Variants in TSHR observed in about 807,000 individuals in gnomAD.
TSHR encodes thyrotropin receptor.
A neutral mutation model predicts 64.1 loss-of-function variants in TSHR; 51 were observed. That is an observed-to-expected ratio of 0.80 (90% CI 0.64 to 1.01). The LOEUF (loss-of-function observed/expected upper bound fraction) is 1.01. TSHR is among the 50% of genes least tolerant of loss of function. The pLI is 0.00. For synonymous variants in TSHR, 361 were observed against 361.9 expected (o/e 1.00, Z 0.03); for missense variants, 877 against 942.8 (o/e 0.93, Z 0.91).
intron 1 of TSHR, among the ~76,000 whole-genome samples, chr14:81,033,950 T>C (rs967700468): frequency 6.6e-6 from 1 of 152,220 alleles, no homozygotes; most frequent in African/African-American, 2.4e-5. Context: ...AGGTTGTGCA[T>C]ATGCCTGGCA....
intron 3 of TSHR, 158 bp from the exon 4 acceptor site, chr14:81,087,796 T>G: frequency 1.4e-6 from 1 of 699,710 alleles, no homozygotes; most frequent in South Asian, 1.5e-5. Flanking sequence ...AGTTTGTCAT[T>G]GATGGGACCC....
At chr14:81,037,435 ACAAAC>A (rs1884694441) in intron 1 of TSHR, among the ~76,000 whole-genome samples, 2 of 147,750 alleles carry the variant, frequency 1.4e-5, no homozygotes, top group East Asian at 2.0e-4. Flanking sequence ...AAACAAACAA[ACAAAC>A]AAACAAAAAA....
At chr14:81,122,303 A>G (rs1890836127) in intron 8 of TSHR, among the ~76,000 whole-genome samples, 1 of 151,902 alleles carries the variant, frequency 6.6e-6, no homozygotes, top group South Asian at 2.1e-4. Context: ...TAGGCCTACC[A>G]AAGTTCTGGG....
chr14:81,139,192 G>A (rs1369297268), intron 8 of TSHR, among the ~76,000 whole-genome samples: 1 of 152,168 alleles, frequency 6.6e-6, no homozygotes, highest in South Asian at 2.1e-4. Context: ...TTATGACTCT[G>A]AGGTCTGCAT....
chr14:80,963,396 G>A (rs990343910), intron 1 of TSHR, among the ~76,000 whole-genome samples: 3 of 152,122 alleles, frequency 2.0e-5, no homozygotes, highest in Non-Finnish European at 4.4e-5. Flanking sequence ...TCTTACACCT[G>A]TAAGGCAGAA....
At chr14:81,004,476 T>C (rs1041014092) in intron 1 of TSHR, among the ~76,000 whole-genome samples, 2 of 152,240 alleles carry the variant, frequency 1.3e-5, no homozygotes, top group Non-Finnish European at 2.9e-5. Flanking sequence ...TAATGCTCCA[T>C]GTATTTTCAC....
intron 1 of TSHR, chr14:81,053,950 G>T (rs976586983): frequency 6.6e-5 from 10 of 152,306 alleles, no homozygotes; most frequent in African/African-American, 1.9e-4. Flanking sequence ...GCTAATTTTT[G>T]ATTATTTATG....
chr14:81,117,328 C>T (rs2140054839), intron 8 of TSHR, among the ~76,000 whole-genome samples: 1 of 121,476 alleles, frequency 8.2e-6, no homozygotes, highest in Non-Finnish European at 1.6e-5. Flanking sequence ...CAAATAGACG[C>T]AATAAAAAAT....
At chr14:81,015,679 T>G (rs893019888) in intron 1 of TSHR, among the ~76,000 whole-genome samples, 1 of 152,092 alleles carries the variant, frequency 6.6e-6, no homozygotes, top group African/African-American at 2.4e-5. Flanking sequence ...AAGTACACAA[T>G]GTTATTAACT....
chr14:80,982,592 T>C (rs2139724198), intron 1 of TSHR: 1 of 942,988 alleles, frequency 1.1e-6, no homozygotes, highest in East Asian at 3.2e-5. Context: ...TCTCAGCCTG[T>C]GGATGAAATT....
At position 81,139,775 on chromosome 14, in the gene TSHR, T is replaced by C; in HGVS notation, c.789T>C (p.Leu263=). 2 of 1,614,182 alleles carry C rather than the reference T, an allele frequency of 1.2e-6. No individual in the cohort carries two copies. Among genetic ancestry groups the C allele is most frequent in the Non-Finnish European group, 1.7e-6 (2 of 1,180,032 alleles). ...GAAACACCTGGACTCTTAAGAAACTTCCACTTTCCTTGAGTTTCCTTCACC... is the reference window on the plus strand; with the variant it reads ...GAAACACCTGGACTCTTAAGAAACTCCCACTTTCCTTGAGTTTCCTTCACC... ...IARNTWTLKK[L]PLSLSFLHLT... Residue 263 remains leucine (L), a synonymous_variant, in exon 9 of 10, where the codon CTT becomes CTC. Coordinates refer to ENST00000298171, the MANE Select transcript of TSHR (RefSeq NM_000369.5).
chr14:81,017,170 AT>A (rs1212693169), intron 1 of TSHR, among the ~76,000 whole-genome samples: 2 of 152,226 alleles, frequency 1.3e-5, no homozygotes, highest in African/African-American at 4.8e-5. Context: ...CGTTCCAATA[AT>A]GGAACACTAG....
At chr14:80,992,691 A>C (rs1888803257) in intron 1 of TSHR, 1 of 152,216 alleles carries the variant, frequency 6.6e-6, no homozygotes, top group Non-Finnish European at 1.5e-5. Flanking sequence ...CTGTGCTGCA[A>C]AACAGAATTG....
At chr14:81,133,479 C>T (rs541658659) in intron 8 of TSHR, among the ~76,000 whole-genome samples, 39 of 152,122 alleles carry the variant, frequency 2.6e-4, no homozygotes, top group Non-Finnish European at 4.6e-4. Context: ...GGACTGAAAA[C>T]AGAAGGGTTA....
chr14:81,081,400 A>G (rs1406569080), intron 3 of TSHR, among the ~76,000 whole-genome samples: 1 of 152,146 alleles, frequency 6.6e-6, no homozygotes, highest in East Asian at 1.9e-4. Flanking sequence ...TGAAGATTGC[A>G]TAGAGTGAAG....
rs79210928 is a variant in TSHR, at chr14:81,030,571, C to T, written c.171-31577C>T. 4.4e-3 allele frequency among the ~76,000 whole-genome samples: 667 copies of T among 152,170 alleles called. 8 individuals carry two copies. Among genetic ancestry groups the T allele is most frequent in the African/African-American group, 0.015 (643 of 41,512 alleles). ...TAAAAATCAGGCAGGGAAATAAATG[C>T]TAATTAAATTCTCTTACCAGTAGTT... On this transcript the variant is annotated intron_variant, in intron 1 of 9. Transcript: ENST00000298171.
chr14:81,001,926 T>A (rs1258924010), intron 1 of TSHR: 1 of 191,194 alleles, frequency 5.2e-6, no homozygotes, highest in African/African-American at 2.4e-5. Flanking sequence ...GTCATTCATT[T>A]TTCTTCCTCC....
chr14:81,009,062 G>A (rs184190381), intron 1 of TSHR, among the ~76,000 whole-genome samples: 60 of 152,338 alleles, frequency 3.9e-4, no homozygotes, highest in African/African-American at 1.3e-3. Flanking sequence ...TTAATTCAGA[G>A]AGAGTGATTC....
chr14:81,130,362 G>A (rs1233845790), intron 8 of TSHR, among the ~76,000 whole-genome samples: 3 of 152,114 alleles, frequency 2.0e-5, no homozygotes, highest in Non-Finnish European at 4.4e-5. Flanking sequence ...AAATCAAGTG[G>A]CCAATTAGTA....
Sources: allele counts gnomAD v4.1 joint callset (sites outside exome capture counted in the v4.1 genomes callset), GRCh38; gene constraint gnomAD v4.1.1; transcripts MANE v1.5; gene names NCBI Gene and HGNC (gene_info 2026-07-23, HGNC 2026-07-21).